EFCAB6: variants seen among roughly 807,000 people sequenced by gnomAD.
The protein encoded by EFCAB6 is EF-hand calcium-binding domain-containing protein 6.
In EFCAB6, 156 loss-of-function variants were observed where a neutral mutation model predicts 169.8. That is an observed-to-expected ratio of 0.92 (90% CI 0.81 to 1.05). EFCAB6 has a LOEUF of 1.05. Among genes scored for constraint, EFCAB6 ranks in the 50% least tolerant of loss-of-function variants. The probability of loss-of-function intolerance (pLI) is 0.00; values close to 1 mark genes in which losing one functional copy is unlikely to be tolerated. For synonymous variants in EFCAB6, 698 were observed against 676.4 expected, an observed-to-expected ratio of 1.03 and a Z score of -0.50; for missense variants, 1,800 against 1,829.1, an observed-to-expected ratio of 0.98 and a Z score of 0.29.
At chr22:43,807,071 T>A (rs1276991474) in intron 2 of EFCAB6, among the ~76,000 whole-genome samples, 1 of 152,160 alleles carries the variant, frequency 6.6e-6, no homozygotes, top group Admixed American at 6.5e-5. Flanking sequence ...AGACAATAAG[T>A]CCCTCCAGTG....
intron 6 of EFCAB6, among the ~76,000 whole-genome samples, chr22:43,742,418 C>T (rs1247567259): frequency 3.9e-5 from 6 of 152,118 alleles, no homozygotes; most frequent in Non-Finnish European, 7.4e-5. Context: ...GTTCACTGAC[C>T]CATACTCCAC....
At chr22:43,775,712 G>A (rs1030399568) in intron 3 of EFCAB6, among the ~76,000 whole-genome samples, 1 of 152,190 alleles carries the variant, frequency 6.6e-6, no homozygotes, top group South Asian at 2.1e-4. Context: ...CCAAAGTGCT[G>A]GGATTACAGG....
Position 43,537,282 on chromosome 22 carries a change from G to A in EFCAB6, c.4048+95C>T. 1 of 1,461,524 alleles carries A rather than the reference G, an allele frequency of 6.8e-7. No homozygotes were observed. Among genetic ancestry groups the A allele is most frequent in the Non-Finnish European group, 9.3e-7 (1 of 1,076,324 alleles). 90.5% of individuals were successfully genotyped at this position (1,461,524 alleles called of 1,614,324 possible). On this transcript the variant is annotated intron_variant, in intron 29 of 31. Transcript: ENST00000262726. This position sits in a 1 kb window ranked among gnomAD's most constrained non-coding sequence, Gnocchi z 4.3. ...CAGTTTCCTGTTCTGCTGCTCCCTG[G>A]CCTCCACCCGGGGTGTGGCTTTGTA...
chr22:43,633,425 G>A (rs1404311300), intron 18 of EFCAB6, among the ~76,000 whole-genome samples: 5 of 152,174 alleles, frequency 3.3e-5, no homozygotes, highest in African/African-American at 1.2e-4. Flanking sequence ...GTGCACGCCT[G>A]TAGCCCCAGC....
At chr22:43,615,708 G>A (rs992402790) in intron 21 of EFCAB6, 118 bp downstream of exon 21, 3 of 772,328 alleles carry the variant, frequency 3.9e-6, no homozygotes, top group Middle Eastern at 3.8e-4. Flanking sequence ...CCTCACACTG[G>A]GTACACAGAG....
chr22:43,770,876 T>C (rs544305278), intron 4 of EFCAB6, among the ~76,000 whole-genome samples: 3 of 151,568 alleles, frequency 2.0e-5, no homozygotes, highest in East Asian at 1.9e-4. Context: ...GAATATGGTA[T>C]GCATAAGAAG....
At position 43,580,561 on chromosome 22, in the gene EFCAB6, T is replaced by A. The variant is rs755927808; in HGVS notation, c.3131A>T (p.Glu1044Val). The A allele has an allele frequency of 1.2e-6, 2 of 1,614,200 alleles. No individual in the cohort carries two copies. Among genetic ancestry groups the A allele is most frequent in the Admixed American group, 1.7e-5 (1 of 60,022 alleles). The change falls in exon 25 of 32, where the codon GAA becomes GTA. Residue 1044 changes from glutamate to valine, a missense_variant. Physicochemically the swap from Glu to Val is moderately radical, Grantham distance 121. Coordinates refer to ENST00000262726, the MANE Select transcript of EFCAB6 (RefSeq NM_022785.4). Reference sequence around the variant, plus strand: ...TGCAAAATTGATTGGCATGCTCTCTTCTTTTTCCTTGGGCTGAGCTCCTGT... The same window carrying A: ...TGCAAAATTGATTGGCATGCTCTCTACTTTTTCCTTGGGCTGAGCTCCTGT... ...KSTGAQPKEK[E>V]ESMPINFATL...
At chr22:43,789,097 T>A (rs952343633) in intron 2 of EFCAB6, among the ~76,000 whole-genome samples, 1 of 152,096 alleles carries the variant, frequency 6.6e-6, no homozygotes, top group Admixed American at 6.6e-5. Flanking sequence ...GAAAATAGAT[T>A]GGCAGTTGCC....
chr22:43,788,429 T>C (rs1414744892), intron 2 of EFCAB6, among the ~76,000 whole-genome samples: 2 of 152,148 alleles, frequency 1.3e-5, no homozygotes, highest in Non-Finnish European at 2.9e-5. Flanking sequence ...GGGATTTGAA[T>C]AGACATTTCT....
chr22:43,709,565 T>A (rs1219842927), intron 10 of EFCAB6, among the ~76,000 whole-genome samples: 3 of 152,192 alleles, frequency 2.0e-5, no homozygotes, highest in Non-Finnish European at 4.4e-5. Context: ...TGTGATGCAC[T>A]CTGATTACAA....
chr22:43,597,465 A>C (rs1432299333), intron 23 of EFCAB6, among the ~76,000 whole-genome samples: 2 of 152,248 alleles, frequency 1.3e-5, no homozygotes, highest in African/African-American at 4.8e-5. Flanking sequence ...AAAAGAGGAC[A>C]TATAAAGTGG....
At chr22:43,552,887 T>C (rs1350566116) in intron 27 of EFCAB6, 1 of 152,218 alleles carries the variant, frequency 6.6e-6, no homozygotes, top group Non-Finnish European at 1.5e-5. Flanking sequence ...CAAAGGCTTA[T>C]TTTCATTTAT....
rs149027794 is a variant in EFCAB6 at position 43,785,032 on chromosome 22, G to A, written c.-7-2707C>T. Among the ~76,000 whole-genome samples, 500 of 152,084 alleles carry A rather than the reference G, an allele frequency of 3.3e-3. 1 individual carries two copies. Among genetic ancestry groups the A allele is most frequent in the African/African-American group, 0.012 (480 of 41,492 alleles). On this transcript the variant is annotated intron_variant, in intron 2 of 31. Transcript: ENST00000262726. The stretch of plus-strand genomic sequence containing the variant: ...GCACCTAACAAGAGCCCCAATATAC[G>A]TGAAGCAAAAACTAACTAAATTGGA...
intron 24 of EFCAB6, among the ~76,000 whole-genome samples, chr22:43,584,212 G>C (rs1408382965): frequency 2.6e-5 from 4 of 152,148 alleles, no homozygotes; most frequent in Non-Finnish European, 4.4e-5. Flanking sequence ...AAGTGGCAGA[G>C]GGAGGAGGAG....
chr22:43,537,254 C>T lies in EFCAB6; in HGVS notation c.4048+123G>A, dbSNP rs2047437678. 6.3e-6 allele frequency: 8 copies of T among 1,273,564 alleles called. No homozygotes were observed. The East Asian group carries it at 1.2e-4, about 19-fold the overall frequency. The allele number at this position is 1,273,564 out of a possible 1,614,324, so 78.9% of individuals were successfully genotyped here. On this transcript the variant is annotated intron_variant, in intron 29 of 31. Transcript: ENST00000262726. This position sits in a 1 kb window ranked among gnomAD's most constrained non-coding sequence, Gnocchi z 4.3. Reference sequence around the variant, plus strand: ...GCTGCACAGCCCACCCAGAAGTTCCCACCAGTTTCCTGTTCTGCTGCTCCC... The same window carrying T: ...GCTGCACAGCCCACCCAGAAGTTCCTACCAGTTTCCTGTTCTGCTGCTCCC...
chr22:43,781,420 C>T (rs570310692), intron 3 of EFCAB6, among the ~76,000 whole-genome samples: 2 of 152,132 alleles, frequency 1.3e-5, no homozygotes, highest in Admixed American at 1.3e-4. Flanking sequence ...ACCTCCAGGG[C>T]CTAAGCCATC....
intron 26 of EFCAB6, among the ~76,000 whole-genome samples, chr22:43,563,956 C>CT (rs1284498607): frequency 6.6e-6 from 1 of 152,214 alleles, no homozygotes; most frequent in Non-Finnish European, 1.5e-5. Flanking sequence ...CTGTGGGGGT[C>CT]CAATCACAGG....
At chr22:43,762,553 G>C (rs558793224) in intron 5 of EFCAB6, among the ~76,000 whole-genome samples, 2 of 152,292 alleles carry the variant, frequency 1.3e-5, no homozygotes, top group Admixed American at 1.3e-4. Context: ...TTCAGTAGAA[G>C]TGTTGTTCAT....
chr22:43,772,218 G>A (rs77670716), intron 4 of EFCAB6, among the ~76,000 whole-genome samples: 251 of 152,284 alleles, frequency 1.6e-3, no homozygotes, highest in Non-Finnish European at 3.1e-3. Context: ...TATCTGCACC[G>A]CAGTGTCTAG....
Sources: allele counts gnomAD v4.1 joint callset (sites outside exome capture counted in the v4.1 genomes callset), GRCh38; gene constraint gnomAD v4.1.1; non-coding constraint Gnocchi (gnomAD v3.1); transcripts MANE v1.5; gene names NCBI Gene and HGNC (gene_info 2026-07-23, HGNC 2026-07-21).